GALNT14: variants seen among roughly 807,000 people sequenced by gnomAD.
GALNT14 encodes the protein UDP-GalNAc:polypeptide N-acetylgalactosaminyltransferase 14.
GALNT14 carries 60 observed loss-of-function variants against 77.5 expected under a neutral mutation model. The observed-to-expected ratio is 0.77, with a 90% CI of 0.63 to 0.96. GALNT14 has a LOEUF of 0.96. Among genes scored for constraint, GALNT14 ranks in the 40% least tolerant of loss-of-function variants. The pLI, the probability that GALNT14 is intolerant of heterozygous loss-of-function variation, is 0.00. For synonymous variants in GALNT14, 280 were observed against 281.7 expected (o/e 0.99, Z 0.06); for missense variants, 710 against 731.0 (o/e 0.97, Z 0.33).
At chr2:31,110,389 C>T (rs1040214508) in intron 1 of GALNT14, among the ~76,000 whole-genome samples, 6 of 152,100 alleles carry the variant, frequency 3.9e-5, no homozygotes, top group Non-Finnish European at 7.4e-5. Context: ...CTGAATAAGC[C>T]GAAGATTTAA....
chr2:31,069,695 C>G (rs1027747206), intron 1 of GALNT14, among the ~76,000 whole-genome samples: 2 of 152,170 alleles, frequency 1.3e-5, no homozygotes, highest in African/African-American at 4.8e-5. Context: ...TTCCTGGAGG[C>G]TTGACACCCA....
chr2:30,958,550 C>A, intron 3 of GALNT14, 86 bp from the exon 4 acceptor site: 1 of 1,004,422 alleles, frequency 1.0e-6, no homozygotes, highest in Non-Finnish European at 1.6e-6. Context: ...GATACCATTG[C>A]ATTTAAGGAA....
rs976057181 is a variant in GALNT14 at position 30,948,699 on chromosome 2, A to G, written c.655-2829T>C. On this transcript the variant is annotated intron_variant, in intron 6 of 14. Transcript: ENST00000349752. Reference sequence around the variant, plus strand: ...GCACCTTTACCCATTGCTGGTTTTAATTTGTATCCTTTCACTGTAGTTAAG... The same window carrying G: ...GCACCTTTACCCATTGCTGGTTTTAGTTTGTATCCTTTCACTGTAGTTAAG... 2.6e-5 allele frequency among the ~76,000 whole-genome samples: 4 copies of G among 152,124 alleles called. No homozygotes were observed. In the East Asian group the frequency reaches 7.7e-4, roughly 29 times the overall value.
At chr2:31,028,658 C>A (rs545239150) in intron 1 of GALNT14, among the ~76,000 whole-genome samples, 1 of 152,354 alleles carries the variant, frequency 6.6e-6, no homozygotes, top group East Asian at 1.9e-4. Flanking sequence ...ACACCAGGGG[C>A]TATTTATGAG....
chr2:30,929,540 C>T, intron 10 of GALNT14, 53 bp from the exon 11 acceptor site: 2 of 1,327,390 alleles, frequency 1.5e-6, no homozygotes, highest in Non-Finnish European at 2.2e-6. Context: ...TCTGAGAGGC[C>T]CTGTGAGTGC....
intron 2 of GALNT14, among the ~76,000 whole-genome samples, chr2:30,972,340 T>G (rs1272763194): frequency 1.3e-5 from 2 of 152,098 alleles, no homozygotes; most frequent in African/African-American, 4.8e-5. Context: ...GAAATGGAAA[T>G]CAAACAGGCC....
intron 1 of GALNT14, among the ~76,000 whole-genome samples, chr2:31,023,582 C>T (rs1053591995): frequency 1.3e-5 from 2 of 152,130 alleles, no homozygotes; most frequent in Non-Finnish European, 1.5e-5. Flanking sequence ...AGCCCCAACC[C>T]CATTAGGCTT....
the GALNT14 span, among the ~76,000 whole-genome samples, chr2:30,901,181 C>A: frequency 1.5e-4 from 23 of 152,130 alleles, no homozygotes; most frequent in African/African-American, 5.6e-4. Context: ...AGCGGGGCAC[C>A]TGGGATACCT....
At position 30,969,248 on chromosome 2, in the gene GALNT14, C is replaced by T. The variant is rs551635103; in HGVS notation, c.300-2946G>A. Among the ~76,000 whole-genome samples the T allele has an allele frequency of 7.2e-5, 11 of 152,316 alleles. No individual in the cohort carries two copies. The East Asian group carries it at 1.9e-3, about 27-fold the overall frequency. On this transcript the variant is annotated intron_variant, in intron 2 of 14. Transcript: ENST00000349752. ...GGACCGGGTGTGTCCAATGGCCAGG[C>T]CTGAAGCTGCTCCTGGCTGCTGTGG...
At chr2:31,136,484 C>G (rs1679233667) in intron 1 of GALNT14, among the ~76,000 whole-genome samples, 2 of 152,242 alleles carry the variant, frequency 1.3e-5, no homozygotes, top group Non-Finnish European at 2.9e-5. Flanking sequence ...ACTGAACCCT[C>G]TTAGCCCTAT....
chr2:30,962,888 T>A (rs902257817), intron 3 of GALNT14, among the ~76,000 whole-genome samples: 4 of 152,190 alleles, frequency 2.6e-5, no homozygotes, highest in Non-Finnish European at 5.9e-5. Context: ...CAGTGGCTAG[T>A]GATTCATTTG....
At chr2:30,967,571 G>A (rs775908808) in intron 2 of GALNT14, among the ~76,000 whole-genome samples, 4 of 152,168 alleles carry the variant, frequency 2.6e-5, no homozygotes, top group Admixed American at 2.0e-4. Flanking sequence ...CAGAGATGGT[G>A]GAAAAGGTAA....
In GALNT14 at chr2:30,911,000, T is replaced by C. The variant is rs749371562; in HGVS notation, c.1560A>G (p.Thr520=). ...EHIASHLCLD[T]DMFGDGTENG... The stretch of plus-strand genomic sequence containing the variant: ...TCTCGGTGCCATCACCGAACATATC[T>C]GTATCGAGGCAGAGGTGGGATGCTA... The change falls in exon 15 of 15, where the codon ACA becomes ACG. Residue 520 remains threonine, a synonymous_variant. Transcript: ENST00000349752. The C allele has an allele frequency of 3.7e-6, 6 of 1,614,000 alleles. No individual in the cohort carries two copies. In the East Asian group the frequency reaches 1.1e-4, roughly 30 times the overall value.
the GALNT14 span, among the ~76,000 whole-genome samples, chr2:30,892,609 A>G: frequency 6.6e-6 from 1 of 152,230 alleles, no homozygotes; most frequent in Non-Finnish European, 1.5e-5. Context: ...CTTGGAAGGT[A>G]GAAACAATGT....
chr2:30,977,528 T>C (rs59436928), intron 2 of GALNT14, among the ~76,000 whole-genome samples: 40,605 of 152,082 alleles, frequency 0.27, 6,455 homozygotes, highest in East Asian at 0.56. Flanking sequence ...CATGATATTT[T>C]TCAGACTTTC....
chr2:30,984,453 G>A (rs1669175546), intron 2 of GALNT14, among the ~76,000 whole-genome samples: 1 of 152,170 alleles, frequency 6.6e-6, no homozygotes, highest in Non-Finnish European at 1.5e-5. Context: ...GTGACAATGA[G>A]GCAGTGACAG....
intron 1 of GALNT14, among the ~76,000 whole-genome samples, chr2:31,127,537 A>AAAAAC (rs1255495294): frequency 3.9e-5 from 6 of 152,212 alleles, no homozygotes; most frequent in African/African-American, 1.4e-4. Flanking sequence ...CATATAACCT[A>AAAAAC]AAAACAAAAC....
intron 13 of GALNT14, among the ~76,000 whole-genome samples, chr2:30,917,190 A>C (rs1664735934): frequency 6.6e-6 from 1 of 151,640 alleles, no homozygotes. Flanking sequence ...GTAGGCAAGA[A>C]ACAATCAGCC....
chr2:31,117,327 A>C (rs1678159744), intron 1 of GALNT14, among the ~76,000 whole-genome samples: 3 of 152,328 alleles, frequency 2.0e-5, no homozygotes, highest in Middle Eastern at 3.4e-3. Flanking sequence ...ACTGAAGAGG[A>C]AGCCAGTCAA....
Sources: allele counts gnomAD v4.1 joint callset (sites outside exome capture counted in the v4.1 genomes callset), GRCh38; gene constraint gnomAD v4.1.1; transcripts MANE v1.5; gene names NCBI Gene and HGNC (gene_info 2026-07-23, HGNC 2026-07-21).